ZNF22: variants seen among roughly 807,000 people sequenced by gnomAD.
ZNF22 encodes zinc finger protein 22, also known as krox-26 protein.
ZNF22 carries 15 observed loss-of-function variants against 17.0 expected under a neutral mutation model. The ratio of observed to expected loss-of-function variants is 0.88; its 90% CI spans 0.59 to 1.36. ZNF22 has a LOEUF of 1.36. Ranked by LOEUF, ZNF22 falls within the 40% of genes most tolerant of loss-of-function variation. ZNF22 has a pLI of 0.00. For missense variants in ZNF22, 272 were observed against 276.1 expected (o/e 0.98, Z 0.11); for synonymous variants, 84 against 90.7 (o/e 0.93, Z 0.42).
chr10:45,004,017 A>T lies in ZNF22; in HGVS notation c.649A>T (p.Arg217Trp). ...ACCCTCTTGGAAAGCTGGTACAGGA[A>T]GGAAGTCTGTGGCTGGTCTCCGTTA... ...HLPSWKAGTG[R>W]KSVAGLR The change falls in exon 2 of 2, where the codon AGG becomes TGG. Residue 217 changes from arginine (R) to tryptophan (W), a missense_variant. Physicochemically the swap from Arg to Trp is moderately radical, Grantham distance 101. Transcript: ENST00000298299. The T allele has an allele frequency of 6.2e-7, 1 of 1,612,280 alleles. No individual in the cohort carries two copies. The highest frequency in any genetic ancestry group is 1.1e-5 in the South Asian group (1 of 90,976).
At chr10:45,001,200 G>T (rs1168292699) in intron 1 of ZNF22, among the ~76,000 whole-genome samples, 3 of 150,742 alleles carry the variant, frequency 2.0e-5, no homozygotes, top group Non-Finnish European at 3.0e-5. Flanking sequence ...GGTCAATGAG[G>T]AGCGGCCGGC....
rs1046332765 is a variant in ZNF22 at position 45,004,820 on chromosome 10, A to G, written c.*777A>G. 6.0e-6 allele frequency: 1 copy of G among 167,074 alleles called. No individual in the cohort carries two copies. Among genetic ancestry groups the G allele is most frequent in the African/African-American group, 2.4e-5 (1 of 41,434 alleles). 10.3% of individuals were successfully genotyped at this position (167,074 alleles called of 1,614,324 possible). ...GTAACTGCTGTGTCGTTTGTTTTCCACAAGTTGGGATGGATTCATGTCGAT... is the reference window on the plus strand; with the variant it reads ...GTAACTGCTGTGTCGTTTGTTTTCCGCAAGTTGGGATGGATTCATGTCGAT... On this transcript the variant is annotated 3_prime_UTR_variant, in exon 2 of 2. Transcript: ENST00000298299.
chr10:45,002,510 G>A (rs1842342100), intron 1 of ZNF22: 1 of 152,080 alleles, frequency 6.6e-6, no homozygotes, highest in African/African-American at 2.4e-5. Context: ...TCCACTTTCT[G>A]GTAAAAGTTC....
rs1390684412 is a variant in ZNF22 at position 45,003,374 on chromosome 10, G to T, written c.6G>T (p.Arg2Ser). The change falls in exon 2 of 2, where the codon AGG (arginine) becomes AGT (serine). Residue 2 changes from arginine to serine, a missense_variant. Arg to Ser is a moderately radical substitution (Grantham distance 110). Coordinates refer to ENST00000298299, the MANE Select transcript of ZNF22 (RefSeq NM_006963.5). ...AATACATTTGGTTATTCACCATGAG[G>T]TTAGCAAAGCCTAAAGCGGGTATTT... M[R>S]LAKPKAGISR... The T allele has an allele frequency of 6.3e-7, 1 of 1,596,418 alleles. No homozygotes were observed. The highest frequency in any genetic ancestry group is 8.5e-7 in the Non-Finnish European group (1 of 1,172,478).
Position 45,003,685 on chromosome 10 carries a change from CG to C in ZNF22, c.322del (p.Glu108LysfsTer75). 1.2e-6 allele frequency: 2 copies of C among 1,614,190 alleles called. No individual in the cohort carries two copies. Among genetic ancestry groups the C allele is most frequent in the Non-Finnish European group, 1.7e-6 (2 of 1,180,036 alleles). ...SNLIQHRRIH[T>X]GEKPYKCDEC... is the part of the protein sequence containing the mutation. The stretch of plus-strand genomic sequence containing the variant: ...CTCATTCAGCATCGACGGATCCATA[CG>C]GGGGAAAAGCCCTACAAATGTGATG... On this transcript the variant is annotated frameshift_variant, in exon 2 of 2. Transcript: ENST00000298299. LOFTEE classifies it high-confidence loss of function.
chr10:45,000,953 G>T lies in ZNF22; in HGVS notation c.-115G>T. On this transcript the variant is annotated 5_prime_UTR_variant, in exon 1 of 2. Coordinates refer to ENST00000298299, the MANE Select transcript of ZNF22 (RefSeq NM_006963.5). ...CGGCGGCGCGGGAGGCGCCCAGCGAGCCAGAGTGGTGGCTGGTCCCGCGCG... is the reference window on the plus strand; with the variant it reads ...CGGCGGCGCGGGAGGCGCCCAGCGATCCAGAGTGGTGGCTGGTCCCGCGCG... 1 of 1,006,304 alleles carries T rather than the reference G, an allele frequency of 9.9e-7. No homozygotes were observed. The highest frequency in any genetic ancestry group is 1.3e-6 in the Non-Finnish European group (1 of 780,498). The allele number at this position is 1,006,304 out of a possible 1,614,324, so 62.3% of individuals were successfully genotyped here. A position where few individuals can be genotyped will look rare whatever the true frequency, so the allele number is the denominator to read the frequency against.
rs754880097 is a variant in ZNF22 at position 45,004,982 on chromosome 10, A to G, written c.*939A>G. 2.4e-5 allele frequency: 4 copies of G among 167,118 alleles called. No homozygotes were observed. The highest frequency in any genetic ancestry group is 7.2e-5 in the African/African-American group (3 of 41,482). 10.4% of individuals were successfully genotyped at this position (167,118 alleles called of 1,614,324 possible). A position where few individuals can be genotyped will look rare whatever the true frequency, so the allele number is the denominator to read the frequency against. ...TTGCTTACTGCTTAATTAAAAACCT[A>G]CAATTTACACACCTCCCTGCCTTCA... On this transcript the variant is annotated 3_prime_UTR_variant, in exon 2 of 2. Transcript: ENST00000298299.
Position 45,003,473 on chromosome 10 carries a change from G to A in ZNF22, c.105G>A (p.Met35Ile). The A allele has an allele frequency of 6.2e-7, 1 of 1,614,242 alleles. No homozygotes were observed. Among genetic ancestry groups the A allele is most frequent in the Non-Finnish European group, 8.5e-7 (1 of 1,180,040 alleles). The change falls in exon 2 of 2, where the codon ATG (methionine) becomes ATA (isoleucine). Residue 35 changes from methionine (M) to isoleucine (I), a missense_variant. Transcript: ENST00000298299. ...GCCGGCAGCGGCAGAAGTGGGGCAT[G>A]ACTATTCGATTTGACTCAAGCTTCA... ...KTGRQRQKWG[M>I]TIRFDSSFSR... is the part of the protein sequence containing the mutation.
In ZNF22 at chr10:45,004,875, A is replaced by G. The variant is rs1373069422; in HGVS notation, c.*832A>G. ...CCCCATGCCCTTGACCTCTTCTGGCATTCTCCTGTGCTCTGACAAACTGAG... is the reference window on the plus strand; with the variant it reads ...CCCCATGCCCTTGACCTCTTCTGGCGTTCTCCTGTGCTCTGACAAACTGAG... On this transcript the variant is annotated 3_prime_UTR_variant, in exon 2 of 2. Transcript: ENST00000298299. 2 of 167,104 alleles carry G rather than the reference A, an allele frequency of 1.2e-5. No homozygotes were observed. The highest frequency in any genetic ancestry group is 2.4e-5 in the African/African-American group (1 of 41,458). 10.4% of individuals were successfully genotyped at this position (167,104 alleles called of 1,614,324 possible). A position where few individuals can be genotyped will look rare whatever the true frequency, so the allele number is the denominator to read the frequency against.
Position 45,004,159 on chromosome 10 carries a change from A to G in ZNF22, c.*116A>G, listed in dbSNP as rs1051162293. The G allele has an allele frequency of 7.1e-6, 8 of 1,125,422 alleles. No homozygotes were observed. Among genetic ancestry groups the G allele is most frequent in the Non-Finnish European group, 9.8e-6 (8 of 812,298 alleles). 69.7% of individuals were successfully genotyped at this position (1,125,422 alleles called of 1,614,324 possible). A position where few individuals can be genotyped will look rare whatever the true frequency, so the allele number is the denominator to read the frequency against. On this transcript the variant is annotated 3_prime_UTR_variant, in exon 2 of 2. Coordinates refer to ENST00000298299, the MANE Select transcript of ZNF22 (RefSeq NM_006963.5). ...TTATAGTAGATCACTTAAATACTGG[A>G]TCTTTTGCTAGTGTGAAAACATTGG...
At position 45,003,466 on chromosome 10, in the gene ZNF22, G is replaced by T; in HGVS notation, c.98G>T (p.Trp33Leu). The change falls in exon 2 of 2, where the codon TGG becomes TTG. Residue 33 changes from tryptophan to leucine, a missense_variant. Physicochemically the swap from Trp to Leu is moderately conservative, Grantham distance 61 (BLOSUM62 -2). Coordinates refer to ENST00000298299, the MANE Select transcript of ZNF22 (RefSeq NM_006963.5). ...AAAACAGGCCGGCAGCGGCAGAAGTGGGGCATGACTATTCGATTTGACTCA... is the reference window on the plus strand; with the variant it reads ...AAAACAGGCCGGCAGCGGCAGAAGTTGGGCATGACTATTCGATTTGACTCA... ...KRKTGRQRQK[W>L]GMTIRFDSSF... The T allele has an allele frequency of 6.2e-7, 1 of 1,614,234 alleles. No homozygotes were observed. Among genetic ancestry groups the T allele is most frequent in the South Asian group, 1.1e-5 (1 of 91,080 alleles).
chr10:45,001,968 T>G (rs1234157931), intron 1 of ZNF22, among the ~76,000 whole-genome samples: 1 of 152,112 alleles, frequency 6.6e-6, no homozygotes, highest in African/African-American at 2.4e-5. Context: ...TTTGCTTAAG[T>G]TAAGGAGTGG....
rs1842348068 is a variant in ZNF22, at chr10:45,003,290, G to A, written c.-79G>A. 7.1e-7 allele frequency: 1 copy of A among 1,399,720 alleles called. No homozygotes were observed. The highest frequency in any genetic ancestry group is 1.4e-5 in the African/African-American group (1 of 69,256). The allele number at this position is 1,399,720 out of a possible 1,614,324, so 86.7% of individuals were successfully genotyped here. ...TCCTTCTACACACAGAAAATTCTGA[G>A]CTGTACACCTCTAGGAAATGAAACA... On this transcript the variant is annotated 5_prime_UTR_variant, in exon 2 of 2. Transcript: ENST00000298299.
intron 1 of ZNF22, among the ~76,000 whole-genome samples, chr10:45,001,486 G>C (rs1435499672): frequency 6.6e-6 from 1 of 152,232 alleles, no homozygotes; most frequent in Non-Finnish European, 1.5e-5. Flanking sequence ...AGTTAGCTGG[G>C]TGTGCAAGAA....
chr10:45,001,315 C>A (rs929512318), intron 1 of ZNF22, among the ~76,000 whole-genome samples: 1 of 152,072 alleles, frequency 6.6e-6, no homozygotes, highest in East Asian at 1.9e-4. Context: ...TTCCGTCGCT[C>A]GGAGCGTTCG....
chr10:45,001,397 T>C (rs11239309), intron 1 of ZNF22, among the ~76,000 whole-genome samples: 6,311 of 152,314 alleles, frequency 0.041, 141 homozygotes, highest in East Asian at 0.087. Context: ...TTCAGACTCA[T>C]TGCAACTTCT....
rs960850232 is a variant in ZNF22, at chr10:45,004,421, A to C, written c.*378A>C. On this transcript the variant is annotated 3_prime_UTR_variant, in exon 2 of 2. Coordinates refer to ENST00000298299, the MANE Select transcript of ZNF22 (RefSeq NM_006963.5). ...TGAAAGTGCAGGCATGCCAATGACT[A>C]CTCAGTTTTAGGACTTTCTGTGGAA... The C allele has an allele frequency of 1.1e-5, 2 of 174,710 alleles. No homozygotes were observed. Among genetic ancestry groups the C allele is most frequent in the African/African-American group, 5.0e-5 (2 of 39,720 alleles). 10.8% of individuals were successfully genotyped at this position (174,710 alleles called of 1,614,324 possible). A position where few individuals can be genotyped will look rare whatever the true frequency, so the allele number is the denominator to read the frequency against.
rs1185359511 is a variant in ZNF22, at chr10:45,003,626, T to A, written c.258T>A (p.Ala86=). Residue 86 remains alanine (A), a synonymous_variant, in exon 2 of 2, where the codon GCT becomes GCA. Coordinates refer to ENST00000298299, the MANE Select transcript of ZNF22 (RefSeq NM_006963.5). ...CTGGAAAGAAATCCCATAAATGTGC[T>A]GATTGTGGGAAAAGTTTCTTTCAGA... ...IHTGKKSHKC[A]DCGKSFFQSS... 6.2e-6 allele frequency: 10 copies of A among 1,614,264 alleles called. No individual in the cohort carries two copies. Among genetic ancestry groups the A allele is most frequent in the Non-Finnish European group, 8.5e-6 (10 of 1,180,054 alleles).
chr10:45,002,574 A>G (rs1842342566), intron 1 of ZNF22: 1 of 152,200 alleles, frequency 6.6e-6, no homozygotes, highest in South Asian at 2.1e-4. Context: ...GTTTTCAACA[A>G]ATTGCTTTCT....
Sources: allele counts gnomAD v4.1 joint callset (sites outside exome capture counted in the v4.1 genomes callset), GRCh38; gene constraint gnomAD v4.1.1; transcripts MANE v1.5; gene names NCBI Gene and HGNC (gene_info 2026-07-23, HGNC 2026-07-21).